Variants in PPP4R2 observed in about 807,000 individuals in gnomAD.
The protein encoded by PPP4R2 is serine/threonine-protein phosphatase 4 regulatory subunit 2.
A neutral mutation model predicts 47.2 loss-of-function variants in PPP4R2; 13 were observed. The observed-to-expected ratio is 0.28, with a 90% CI of 0.18 to 0.44. The LOEUF (loss-of-function observed/expected upper bound fraction) is 0.44, where lower values mean the gene tolerates loss of function less well. Ranked by LOEUF, PPP4R2 falls within the 20% of genes least tolerant of loss-of-function variation. The probability of loss-of-function intolerance (pLI) is 1.00; values close to 1 mark genes in which losing one functional copy is unlikely to be tolerated. For synonymous variants in PPP4R2, 151 were observed against 163.3 expected, an observed-to-expected ratio of 0.92 and a Z score of 0.57; for missense variants, 421 against 491.2, an observed-to-expected ratio of 0.86 and a Z score of 1.35.
At chr3:72,998,029 A>G (rs1701386108) in intron 1 of PPP4R2, 48 bp from the exon 2 acceptor site, 8 of 1,334,912 alleles carry the variant, frequency 6.0e-6, no homozygotes, top group Non-Finnish European at 7.5e-6. Context: ...TTGTTTTTAG[A>G]GCGCTTTTGA....
chr3:72,997,992 A>G (rs1701384973), intron 1 of PPP4R2, 85 bp from the exon 2 acceptor site: 1 of 884,614 alleles, frequency 1.1e-6, no homozygotes, highest in Non-Finnish European at 1.8e-6. Context: ...ATTGATTTTT[A>G]ATAAGGTAAA....
In PPP4R2 at chr3:73,045,526, A is replaced by ATTTTTT. The variant is rs10659714; in HGVS notation, c.117-1649_117-1644dup. Among the ~76,000 whole-genome samples the ATTTTTT allele has an allele frequency of 2.0e-3, 275 of 139,404 alleles. 1 individual carries two copies. Among genetic ancestry groups the ATTTTTT allele is most frequent in the African/African-American group, 6.4e-3 (238 of 37,052 alleles). The allele number at this position is 139,404 out of a possible 152,430, so 91.5% of individuals were successfully genotyped here. A position where few individuals can be genotyped will look rare whatever the true frequency, so the allele number is the denominator to read the frequency against. ...AGAAAATGTCTACCACATTCTCCTA[A>ATTTTTT]TTTTTTTTTTTTTTTTGGAAATGGA... On this transcript the variant is annotated intron_variant, in intron 2 of 8. Transcript: ENST00000356692.
intron 2 of PPP4R2, among the ~76,000 whole-genome samples, chr3:73,005,544 C>A (rs1553644837): frequency 6.6e-6 from 1 of 151,576 alleles, no homozygotes. Flanking sequence ...CTTTTGAGTC[C>A]TTTTTTAAAA....
chr3:73,040,760 G>A (rs1160745573), intron 2 of PPP4R2, among the ~76,000 whole-genome samples: 1 of 152,086 alleles, frequency 6.6e-6, no homozygotes, highest in Admixed American at 6.6e-5. Context: ...TGATCTGCCT[G>A]CCTCAGCCCC....
chr3:73,015,661 G>A (rs1317534753), intron 2 of PPP4R2, among the ~76,000 whole-genome samples: 4 of 142,346 alleles, frequency 2.8e-5, no homozygotes, highest in South Asian at 2.3e-4. Context: ...TTTTTGAGAC[G>A]GAGTTTCGCT....
chr3:73,037,882 C>G (rs997595325), intron 2 of PPP4R2, among the ~76,000 whole-genome samples: 3 of 152,078 alleles, frequency 2.0e-5, no homozygotes, highest in Non-Finnish European at 4.4e-5. Context: ...TCTGGTTTTC[C>G]AAATGAATTT....
At chr3:73,063,359 A>AAGTT (rs1320784110) in intron 5 of PPP4R2, 2 of 234,060 alleles carry the variant, frequency 8.5e-6, no homozygotes, top group Admixed American at 5.5e-5. Context: ...GTGGTGGCTT[A>AAGTT]ACGCCTGTAA....
chr3:73,055,857 C>T lies in PPP4R2; in HGVS notation c.288-3180C>T, dbSNP rs373697464. On this transcript the variant is annotated intron_variant, in intron 3 of 8. Transcript: ENST00000356692. ...CCTGACCTCAGGGGATCGCCTGCTT[C>T]GGCTTCCCAAAGTCCTGGGATTACA... 1.3e-4 allele frequency among the ~76,000 whole-genome samples: 20 copies of T among 152,198 alleles called. No homozygotes were observed. The South Asian group carries it at 2.9e-3, about 22-fold the overall frequency.
chr3:73,012,264 T>A (rs959595979), intron 2 of PPP4R2, among the ~76,000 whole-genome samples: 1 of 152,196 alleles, frequency 6.6e-6, no homozygotes, highest in South Asian at 2.1e-4. Context: ...TGACGAGAAA[T>A]GTCTCCACAT....
intron 2 of PPP4R2, 21 bp from the exon 3 acceptor site, chr3:73,047,165 T>G: frequency 7.1e-7 from 1 of 1,407,622 alleles, no homozygotes; most frequent in Non-Finnish European, 9.7e-7. Flanking sequence ...TATTATATAT[T>G]TTTTAATTTT....
intron 2 of PPP4R2, among the ~76,000 whole-genome samples, chr3:72,999,120 A>G (rs1010213556): frequency 1.3e-5 from 2 of 152,162 alleles, no homozygotes; most frequent in Admixed American, 1.3e-4. Flanking sequence ...TCAGTGCTTG[A>G]TTTAATGGTC....
chr3:73,052,671 G>C (rs1433128021), intron 3 of PPP4R2, among the ~76,000 whole-genome samples: 1 of 152,106 alleles, frequency 6.6e-6, no homozygotes, highest in East Asian at 1.9e-4. Flanking sequence ...CAAAATGAAA[G>C]AATAATGAAT....
chr3:73,053,505 G>A (rs1379346300), intron 3 of PPP4R2, among the ~76,000 whole-genome samples: 2 of 152,178 alleles, frequency 1.3e-5, no homozygotes, highest in Non-Finnish European at 2.9e-5. Flanking sequence ...AACTCCAAGA[G>A]ATGATTAACT....
At chr3:73,057,529 G>C (rs184122200) in intron 3 of PPP4R2, among the ~76,000 whole-genome samples, 1 of 152,200 alleles carries the variant, frequency 6.6e-6, no homozygotes, top group East Asian at 1.9e-4. Context: ...TGGTAGAACA[G>C]TTTTCTCACT....
chr3:73,058,900 A>G (rs189307179), intron 3 of PPP4R2, 137 bp from the exon 4 acceptor site: 9 of 455,352 alleles, frequency 2.0e-5, no homozygotes, highest in Non-Finnish European at 3.4e-5. Flanking sequence ...TCATCCATTT[A>G]TTTCCCTATT....
At chr3:73,062,235 AG>A (rs762117494) in intron 5 of PPP4R2, 40 of 1,598,584 alleles carry the variant, frequency 2.5e-5, no homozygotes, top group Non-Finnish European at 3.4e-5. Flanking sequence ...GTCTCATCTA[AG>A]AAAGGACTCA....
chr3:73,005,431 A>G (rs1294597968), intron 2 of PPP4R2, among the ~76,000 whole-genome samples: 1 of 152,196 alleles, frequency 6.6e-6, no homozygotes, highest in South Asian at 2.1e-4. Flanking sequence ...ATATTTCAAG[A>G]AAGTGAATTG....
chr3:73,004,361 G>A lies in PPP4R2; in HGVS notation c.116+6203G>A, dbSNP rs1161446310. Among the ~76,000 whole-genome samples, 3 of 152,136 alleles carry A rather than the reference G, an allele frequency of 2.0e-5. No homozygotes were observed. In the East Asian group the frequency reaches 5.8e-4, roughly 29 times the overall value. On this transcript the variant is annotated intron_variant, in intron 2 of 8. Coordinates refer to ENST00000356692, the MANE Select transcript of PPP4R2 (RefSeq NM_174907.4). ...TGGCATGTGCCCTTTAATCTTGAAG[G>A]TCACTTTGGCTGGAAGTAAAATCTT...
At chr3:72,997,234 G>GT in intron 1 of PPP4R2, 163 bp downstream of exon 1, 1 of 468,816 alleles carries the variant, frequency 2.1e-6, no homozygotes, top group African/African-American at 2.0e-5. Context: ...GGAGCCCTGT[G>GT]GGCAGCTCTC....
Sources: allele counts gnomAD v4.1 joint callset (sites outside exome capture counted in the v4.1 genomes callset), GRCh38; gene constraint gnomAD v4.1.1; transcripts MANE v1.5; gene names NCBI Gene and HGNC (gene_info 2026-07-23, HGNC 2026-07-21).